Variants in KDM4C observed in about 807,000 individuals in gnomAD.
KDM4C encodes lysine-specific demethylase 4C.
KDM4C carries 81 observed loss-of-function variants against 129.3 expected under a neutral mutation model. That is an observed-to-expected ratio of 0.63 (90% CI 0.52 to 0.75). The LOEUF is 0.75. KDM4C is among the 30% of genes least tolerant of loss of function. KDM4C has a pLI of 0.00. For synonymous variants in KDM4C, 573 were observed against 456.1 expected (o/e 1.26, Z -3.26); for missense variants, 1,457 against 1,304.0 (o/e 1.12, Z -1.81).
At chr9:7,117,121 T>C (rs1244955109) in intron 18 of KDM4C, among the ~76,000 whole-genome samples, 1 of 152,198 alleles carries the variant, frequency 6.6e-6, no homozygotes, top group Admixed American at 6.5e-5. Context: ...TTATAGAACA[T>C]TCAGGTTGTC....
chr9:6,769,206 GT>G (rs933564971), intron 1 of KDM4C, among the ~76,000 whole-genome samples: 7 of 148,212 alleles, frequency 4.7e-5, no homozygotes, highest in African/African-American at 9.9e-5. Flanking sequence ...TAAGCTTGCT[GT>G]TTTTTTTTTC....
At chr9:7,062,799 GA>G (rs767528041) in intron 17 of KDM4C, among the ~76,000 whole-genome samples, 5 of 152,022 alleles carry the variant, frequency 3.3e-5, no homozygotes, top group Admixed American at 6.6e-5. Flanking sequence ...TTTTAACCCA[GA>G]AATTCCATGA....
chr9:6,987,407 T>C (rs1333582174), intron 11 of KDM4C, among the ~76,000 whole-genome samples: 1 of 152,226 alleles, frequency 6.6e-6, no homozygotes, highest in Non-Finnish European at 1.5e-5. Context: ...GTAGAAACTG[T>C]CCATGTAGCC....
chr9:6,844,873 A>C (rs1447682751), intron 4 of KDM4C, among the ~76,000 whole-genome samples: 2 of 152,080 alleles, frequency 1.3e-5, no homozygotes, highest in Non-Finnish European at 2.9e-5. Context: ...TTTTTAGTAG[A>C]GATGGGGTTT....
chr9:7,011,337 A>G (rs138538958), intron 12 of KDM4C, among the ~76,000 whole-genome samples: 105 of 152,356 alleles, frequency 6.9e-4, no homozygotes, highest in Middle Eastern at 3.4e-3. Context: ...CATAACTAGA[A>G]GATAATCTCA....
At chr9:7,040,107 GC>G in intron 15 of KDM4C, among the ~76,000 whole-genome samples, 1 of 152,022 alleles carries the variant, frequency 6.6e-6, no homozygotes, top group African/African-American at 2.4e-5. Flanking sequence ...AGCACACTCT[GC>G]CTTCAAATAA....
chr9:7,060,454 G>GTTGTTATTA (rs1236293034), intron 17 of KDM4C, among the ~76,000 whole-genome samples: 26 of 127,566 alleles, frequency 2.0e-4, no homozygotes, highest in Admixed American at 4.7e-4. Context: ...CAGTATTGTT[G>GTTGTTATTA]TTATTATTAT....
At chr9:7,166,561 G>T (rs1381680940) in intron 20 of KDM4C, among the ~76,000 whole-genome samples, 1 of 152,128 alleles carries the variant, frequency 6.6e-6, no homozygotes, top group Non-Finnish European at 1.5e-5. Context: ...AGGTACTGGA[G>T]CTTCATTGCA....
intron 17 of KDM4C, among the ~76,000 whole-genome samples, chr9:7,069,864 T>C (rs1354461723): frequency 6.6e-6 from 1 of 152,236 alleles, no homozygotes; most frequent in African/African-American, 2.4e-5. Flanking sequence ...GGTGGACTAA[T>C]TGAGAATATA....
chr9:7,056,549 G>A (rs1201354164), intron 17 of KDM4C, among the ~76,000 whole-genome samples: 2 of 152,140 alleles, frequency 1.3e-5, no homozygotes, highest in Non-Finnish European at 2.9e-5. Flanking sequence ...GATGTCTATA[G>A]GAGAAAATGT....
At chr9:6,834,232 TG>T (rs1204721053) in intron 4 of KDM4C, among the ~76,000 whole-genome samples, 1 of 152,030 alleles carries the variant, frequency 6.6e-6, no homozygotes, top group Non-Finnish European at 1.5e-5. Flanking sequence ...GGCAGGGTTT[TG>T]CCATGTTGCC....
At chr9:7,041,140 A>G (rs764992120) in intron 15 of KDM4C, among the ~76,000 whole-genome samples, 1 of 151,742 alleles carries the variant, frequency 6.6e-6, no homozygotes, top group Non-Finnish European at 1.5e-5. Flanking sequence ...CCAACTGTGG[A>G]TCAGAAATAC....
At chr9:6,865,799 G>A (rs561453914) in intron 5 of KDM4C, among the ~76,000 whole-genome samples, 2 of 151,664 alleles carry the variant, frequency 1.3e-5, no homozygotes, top group Admixed American at 6.6e-5. Flanking sequence ...CGCCCAGGCT[G>A]GAGTGCAGTG....
At chr9:7,056,696 A>T (rs1830916320) in intron 17 of KDM4C, among the ~76,000 whole-genome samples, 1 of 152,234 alleles carries the variant, frequency 6.6e-6, no homozygotes, top group Non-Finnish European at 1.5e-5. Flanking sequence ...GGCTAATTTT[A>T]AAAACATTAT....
At chr9:7,137,953 A>G (rs1341191565) in intron 19 of KDM4C, among the ~76,000 whole-genome samples, 1 of 152,264 alleles carries the variant, frequency 6.6e-6, no homozygotes, top group African/African-American at 2.4e-5. Flanking sequence ...AGTACTATCT[A>G]CTTATTGATG....
chr9:7,128,746 G>A (rs934746839), intron 19 of KDM4C, among the ~76,000 whole-genome samples: 8 of 152,120 alleles, frequency 5.3e-5, no homozygotes, highest in African/African-American at 1.7e-4. Flanking sequence ...AAGTAGTTTC[G>A]TTACTGTGGC....
At chr9:6,877,314 C>T (rs943988935) in intron 5 of KDM4C, among the ~76,000 whole-genome samples, 4 of 152,190 alleles carry the variant, frequency 2.6e-5, no homozygotes, top group African/African-American at 4.8e-5. Context: ...CATTCTTCTG[C>T]GTCAGCCTCC....
chr9:6,942,308 TG>T (rs1826104127), intron 8 of KDM4C, among the ~76,000 whole-genome samples: 1 of 151,766 alleles, frequency 6.6e-6, no homozygotes, highest in Non-Finnish European at 1.5e-5. Flanking sequence ...TGTGTGTGTG[TG>T]TGTGTGTGTG....
chr9:7,109,597 G>A (rs1041455744), intron 18 of KDM4C, among the ~76,000 whole-genome samples: 1 of 152,172 alleles, frequency 6.6e-6, no homozygotes, highest in African/African-American at 2.4e-5. Flanking sequence ...TTGTAATTAA[G>A]CAGCATTCAG....
Sources: allele counts gnomAD v4.1 joint callset (sites outside exome capture counted in the v4.1 genomes callset), GRCh38; gene constraint gnomAD v4.1.1; transcripts MANE v1.5; gene names NCBI Gene and HGNC (gene_info 2026-07-23, HGNC 2026-07-21).